Variants in UHRF2 observed in about 807,000 individuals in gnomAD.
The protein encoded by UHRF2 is E3 ubiquitin-protein ligase UHRF2.
Under a neutral mutation model 96.8 loss-of-function variants are expected in UHRF2, and 23 were observed. That is an observed-to-expected ratio of 0.24 (90% CI 0.17 to 0.34). The LOEUF (loss-of-function observed/expected upper bound fraction) is 0.34. UHRF2 is among the 10% of genes least tolerant of loss of function. The probability of loss-of-function intolerance (pLI) is 1.00; values close to 1 mark genes in which losing one functional copy is unlikely to be tolerated. For synonymous variants in UHRF2, 385 were observed against 332.6 expected, an observed-to-expected ratio of 1.16 and a Z score of -1.72; for missense variants, 685 against 981.5, an observed-to-expected ratio of 0.70 and a Z score of 4.04.
chr9:6,434,627 T>TG (rs1448162404), intron 3 of UHRF2, among the ~76,000 whole-genome samples: 2 of 151,884 alleles, frequency 1.3e-5, no homozygotes, highest in Non-Finnish European at 2.9e-5. Context: ...TTAGTAGAGA[T>TG]GGGGTTTCAT....
At chr9:6,449,560 G>A (rs1821727138) in intron 3 of UHRF2, 1 of 152,206 alleles carries the variant, frequency 6.6e-6, no homozygotes. Context: ...TTTAGAGTTT[G>A]CAGAAAAGAG....
chr9:6,459,939 C>T (rs989423630), intron 3 of UHRF2, among the ~76,000 whole-genome samples: 1 of 152,226 alleles, frequency 6.6e-6, no homozygotes, highest in Middle Eastern at 3.2e-3. Flanking sequence ...TGTCACTGTA[C>T]TGCAGCCTAG....
At chr9:6,458,654 G>A (rs952467226) in intron 3 of UHRF2, among the ~76,000 whole-genome samples, 3 of 152,138 alleles carry the variant, frequency 2.0e-5, no homozygotes, top group African/African-American at 7.2e-5. Flanking sequence ...CATTGTGGAA[G>A]ACAATTCCTC....
intron 1 of UHRF2, 89 bp downstream of exon 1, chr9:6,413,732 C>T (rs560520799): frequency 3.0e-6 from 4 of 1,325,430 alleles, no homozygotes; most frequent in African/African-American, 1.6e-5. Flanking sequence ...CTCTGTGCGC[C>T]GCGCGCGCAG....
At chr9:6,497,919 G>T (rs1825066852) in intron 11 of UHRF2, 99 bp from the exon 12 acceptor site, 1 of 1,434,226 alleles carries the variant, frequency 7.0e-7, no homozygotes, top group African/African-American at 1.4e-5. Flanking sequence ...ATATTCAGAA[G>T]TTGCATTTAG....
chr9:6,429,189 G>T (rs1173547955), intron 2 of UHRF2, among the ~76,000 whole-genome samples: 2 of 151,808 alleles, frequency 1.3e-5, no homozygotes, highest in African/African-American at 2.4e-5. Flanking sequence ...AAGGAAGATG[G>T]TACAATGAGA....
In UHRF2 at chr9:6,482,027, T is replaced by C. The variant is rs749869662; in HGVS notation, c.1320T>C (p.Thr440=). The change falls in exon 8 of 16, where the codon ACT becomes ACC. Residue 440 remains threonine, a synonymous_variant. Coordinates refer to ENST00000276893, the MANE Select transcript of UHRF2 (RefSeq NM_152896.3). ...MACVGRTREC[T]IVPSNHYGPI... is the part of the protein sequence containing the mutation. ...GTGTTGGTCGTACGAGAGAATGTACTATTGTCCCTTCTAATCATTATGGAC... is the reference window on the plus strand; with the variant it reads ...GTGTTGGTCGTACGAGAGAATGTACCATTGTCCCTTCTAATCATTATGGAC... The C allele has an allele frequency of 1.9e-6, 3 of 1,614,146 alleles. No homozygotes were observed. The South Asian group carries it at 3.3e-5, about 18-fold the overall frequency.
At chr9:6,422,389 G>A (rs1321938668) in intron 2 of UHRF2, among the ~76,000 whole-genome samples, 1 of 151,476 alleles carries the variant, frequency 6.6e-6, no homozygotes, top group Non-Finnish European at 1.5e-5. Context: ...AGACTGTTTT[G>A]ATCTCCCTTT....
intron 4 of UHRF2, among the ~76,000 whole-genome samples, chr9:6,474,231 T>A (rs1823424756): frequency 6.6e-6 from 1 of 152,202 alleles, no homozygotes; most frequent in African/African-American, 2.4e-5. Context: ...TTTTTTGCAT[T>A]TGTGTATATT....
At chr9:6,416,382 G>C (rs1399402548) in intron 1 of UHRF2, among the ~76,000 whole-genome samples, 1 of 151,428 alleles carries the variant, frequency 6.6e-6, no homozygotes, top group Non-Finnish European at 1.5e-5. Flanking sequence ...CTCCACATTT[G>C]AGGGTCAAAA....
At chr9:6,471,018 A>C (rs901153187) in intron 4 of UHRF2, among the ~76,000 whole-genome samples, 1 of 152,216 alleles carries the variant, frequency 6.6e-6, no homozygotes, top group African/African-American at 2.4e-5. Context: ...ACTCTTAAGA[A>C]AGACTCCTTA....
At chr9:6,493,118 C>CA (rs1824764994) in intron 9 of UHRF2, among the ~76,000 whole-genome samples, 1 of 151,954 alleles carries the variant, frequency 6.6e-6, no homozygotes, top group African/African-American at 2.4e-5. Flanking sequence ...GCCAACATGA[C>CA]AAAACCCCAT....
intron 3 of UHRF2, among the ~76,000 whole-genome samples, chr9:6,448,364 T>C (rs1821647384): frequency 6.6e-6 from 1 of 152,224 alleles, no homozygotes; most frequent in African/African-American, 2.4e-5. Context: ...AGTTAACATG[T>C]AAAAAATATT....
chr9:6,476,795 G>C (rs185330488), intron 5 of UHRF2, among the ~76,000 whole-genome samples: 1 of 152,072 alleles, frequency 6.6e-6, no homozygotes, highest in Non-Finnish European at 1.5e-5. Context: ...GGGTTTCACT[G>C]TGTTGGCCAG....
chr9:6,428,050 C>T (rs1348353993), intron 2 of UHRF2, among the ~76,000 whole-genome samples: 1 of 152,164 alleles, frequency 6.6e-6, no homozygotes, highest in Non-Finnish European at 1.5e-5. Flanking sequence ...TAAATAATGA[C>T]TGTTTAGAAT....
chr9:6,453,655 A>T (rs1460276331), intron 3 of UHRF2, among the ~76,000 whole-genome samples: 8 of 152,210 alleles, frequency 5.3e-5, no homozygotes, highest in Non-Finnish European at 1.2e-4. Context: ...TTGACCATTA[A>T]AAAATGGGAT....
chr9:6,420,784 AG>A (rs1819889552), intron 1 of UHRF2, 127 bp from the exon 2 acceptor site: 1 of 690,060 alleles, frequency 1.4e-6, no homozygotes, highest in South Asian at 1.8e-5. Context: ...TTAAGTATTA[AG>A]AATGGTTTTA....
rs1299897608 is a variant in UHRF2 at position 6,413,531 on chromosome 9, G to C, written c.41G>C (p.Cys14Ser). 6.3e-7 allele frequency: 1 copy of C among 1,593,770 alleles called. No homozygotes were observed. ...QVRTIDGSKT[C>S]TIEDVSRKAT... ...CGCACCATTGATGGCTCCAAGACGTGCACCATTGAGGACGTGTCTCGCAAA... is the reference window on the plus strand; with the variant it reads ...CGCACCATTGATGGCTCCAAGACGTCCACCATTGAGGACGTGTCTCGCAAA... Residue 14 changes from cysteine to serine, a missense_variant, in exon 1 of 16, where the codon TGC becomes TCC. Cys to Ser is a moderately radical substitution (Grantham distance 112, BLOSUM62 -1). Around this residue, in one of 6 missense-constraint regions of UHRF2, gnomAD observed 38 missense variants for 35.9 expected, o/e 1.06. Transcript: ENST00000276893.
In UHRF2 at chr9:6,460,695, G is replaced by T. The variant is rs1822486708; in HGVS notation, c.767G>T (p.Ser256Ile). Reference protein sequence around the residue: ...DVVMVNYNVESPGQRGFWFDA... With the variant: ...DVVMVNYNVEIPGQRGFWFDA... ...GTAATGGTTAATTATAATGTAGAAA[G>T]TCCTGGACAAAGAGGATTCTGGTTT... The change falls in exon 4 of 16, where the codon AGT becomes ATT. Residue 256 changes from serine to isoleucine, a missense_variant. Ser to Ile is a moderately radical substitution (Grantham distance 142). Around this residue, in one of 6 missense-constraint regions of UHRF2, gnomAD observed 391 missense variants for 437.0 expected, o/e 0.89. Transcript: ENST00000276893. 1.2e-6 allele frequency: 2 copies of T among 1,613,934 alleles called. No homozygotes were observed. The highest frequency in any genetic ancestry group is 4.5e-5 in the East Asian group (2 of 44,840).
Sources: allele counts gnomAD v4.1 joint callset (sites outside exome capture counted in the v4.1 genomes callset), GRCh38; gene constraint gnomAD v4.1.1; regional missense constraint gnomAD v4.1.1; transcripts MANE v1.5; gene names NCBI Gene and HGNC (gene_info 2026-07-23, HGNC 2026-07-21).